GLI2: variants seen among roughly 807,000 people sequenced by gnomAD.
GLI2 encodes the protein transcription activator GLI2.
Under a neutral mutation model 78.9 loss-of-function variants are expected in GLI2, and 22 were observed. That is an observed-to-expected ratio of 0.28 (90% CI 0.20 to 0.40). GLI2 has a LOEUF of 0.40. Ranked by LOEUF, GLI2 falls within the 10% of genes least tolerant of loss-of-function variation. The pLI is 1.00. For missense variants in GLI2, 2,097 were observed against 2,213.2 expected (o/e 0.95, Z 1.05); for synonymous variants, 974 against 963.7 (o/e 1.01, Z -0.20).
At chr2:120,844,956 G>T (rs912936560) in intron 2 of GLI2, among the ~76,000 whole-genome samples, 1 of 152,088 alleles carries the variant, frequency 6.6e-6, no homozygotes, top group Non-Finnish European at 1.5e-5. Flanking sequence ...TGTAGACTGG[G>T]TGGGAGGAGC....
chr2:120,812,363 T>C (rs1430091813), intron 2 of GLI2, among the ~76,000 whole-genome samples: 1 of 152,184 alleles, frequency 6.6e-6, no homozygotes. Context: ...CCCTGGGTCC[T>C]GGCCCCACTT....
chr2:120,964,803 C>T (rs577956935), intron 5 of GLI2, among the ~76,000 whole-genome samples: 1 of 152,240 alleles, frequency 6.6e-6, no homozygotes, highest in Non-Finnish European at 1.5e-5. Flanking sequence ...GTTTGTGGGA[C>T]GGGACGTCCG....
Position 120,989,558 on chromosome 2 carries a change from G to C in GLI2, c.3593G>C (p.Gly1198Ala), listed in dbSNP as rs375495972. 2.5e-6 allele frequency: 4 copies of C among 1,612,956 alleles called. No individual in the cohort carries two copies. In the South Asian group the frequency reaches 3.3e-5, roughly 13 times the overall value. The stretch of plus-strand genomic sequence containing the variant: ...CCCCGCAGCGGAGCCCCCTCCCAGG[G>C]CATCCCCAGGGTAAACTACATGCAG... ...LQPRSGAPSQ[G>A]IPRVNYMQQL... The change falls in exon 14 of 14, where the codon GGC (glycine) becomes GCC (alanine). Residue 1198 changes from glycine to alanine, a missense_variant. Gly to Ala is a moderately conservative substitution (Grantham distance 60). Coordinates refer to ENST00000361492, the MANE Select transcript of GLI2 (RefSeq NM_001374353.1).
At chr2:120,778,075 T>C (rs1227060462) in intron 1 of GLI2, among the ~76,000 whole-genome samples, 1 of 151,956 alleles carries the variant, frequency 6.6e-6, no homozygotes, top group Non-Finnish European at 1.5e-5. Context: ...GCAGGGCTTG[T>C]TTTTGTTTGG....
In GLI2 at chr2:120,952,420, T is replaced by C. The variant is rs141188599; in HGVS notation, c.457+975T>C. On this transcript the variant is annotated intron_variant, in intron 4 of 13. Transcript: ENST00000361492. Reference sequence around the variant, plus strand: ...TTCTCCCCGAGAGGAATGCATCCTCTTCCAACTGGTGGGTGTGACCACGAG... The same window carrying C: ...TTCTCCCCGAGAGGAATGCATCCTCCTCCAACTGGTGGGTGTGACCACGAG... Among the ~76,000 whole-genome samples, 898 of 152,270 alleles carry C rather than the reference T, an allele frequency of 5.9e-3. 7 individuals carry two copies. Among genetic ancestry groups the C allele is most frequent in the African/African-American group, 0.021 (872 of 41,558 alleles).
intron 3 of GLI2, among the ~76,000 whole-genome samples, chr2:120,933,582 G>A (rs1003771834): frequency 6.6e-6 from 1 of 152,182 alleles, no homozygotes; most frequent in African/African-American, 2.4e-5. Flanking sequence ...AAGCTCTTTG[G>A]ATGCCCTCTG....
intron 12 of GLI2, among the ~76,000 whole-genome samples, chr2:120,985,182 C>T (rs1682915000): frequency 6.6e-6 from 1 of 152,226 alleles, no homozygotes; most frequent in Non-Finnish European, 1.5e-5. Flanking sequence ...GACTGTACCT[C>T]CCCTAAGGAT....
chr2:120,982,960 G>A (rs1442343426), intron 11 of GLI2, 80 bp downstream of exon 11: 3 of 1,419,754 alleles, frequency 2.1e-6, no homozygotes, highest in African/African-American at 2.8e-5. Flanking sequence ...CTGTAGTCCA[G>A]TAGATAGCCA....
At chr2:120,985,092 C>T (rs1432834755) in intron 12 of GLI2, among the ~76,000 whole-genome samples, 1 of 152,224 alleles carries the variant, frequency 6.6e-6, no homozygotes, top group Admixed American at 6.5e-5. Flanking sequence ...ACTCCTCTGT[C>T]CTGTCTCTGC....
At chr2:120,769,111 C>T (rs77345948) in intron 1 of GLI2, among the ~76,000 whole-genome samples, 1,682 of 152,308 alleles carry the variant, frequency 0.011, 23 homozygotes, top group African/African-American at 0.038. Context: ...GAAGTAGCTC[C>T]TTCCTCCCAA....
intron 1 of GLI2, among the ~76,000 whole-genome samples, chr2:120,756,408 T>A (rs755583093): frequency 1.3e-5 from 2 of 152,222 alleles, no homozygotes; most frequent in Non-Finnish European, 2.9e-5. Context: ...TATATCCTGC[T>A]TTTTGTAGAT....
At chr2:120,759,743 G>A (rs1188448683) in intron 1 of GLI2, among the ~76,000 whole-genome samples, 1 of 152,030 alleles carries the variant, frequency 6.6e-6, no homozygotes, top group African/African-American at 2.4e-5. Context: ...CCCTGTCCCC[G>A]CCCCCGAGGT....
chr2:120,979,860 G>A (rs1183301841), intron 10 of GLI2, among the ~76,000 whole-genome samples: 2 of 152,126 alleles, frequency 1.3e-5, no homozygotes, highest in Non-Finnish European at 2.9e-5. Flanking sequence ...GTATGGATTT[G>A]CCTGTTCTGG....
chr2:120,748,851 T>C (rs1682773622), intron 1 of GLI2, among the ~76,000 whole-genome samples: 1 of 135,424 alleles, frequency 7.4e-6, no homozygotes, highest in East Asian at 2.3e-4. Flanking sequence ...TGATCTTGCA[T>C]TCTCCATCCA....
intron 8 of GLI2, 134 bp from the exon 9 acceptor site, chr2:120,974,841 A>AAC (rs141965979): frequency 1.7e-6 from 2 of 1,188,934 alleles, no homozygotes; most frequent in Non-Finnish European, 2.5e-6. Context: ...ACACACCTGT[A>AAC]ACACACACAC....
intron 2 of GLI2, among the ~76,000 whole-genome samples, chr2:120,828,968 A>G (rs1231168413): frequency 6.6e-6 from 1 of 152,096 alleles, no homozygotes; most frequent in Non-Finnish European, 1.5e-5. Context: ...CTTGGAAGAA[A>G]CACACAGCAC....
intron 2 of GLI2, among the ~76,000 whole-genome samples, chr2:120,902,185 A>ACCCCCCCCCCCCCCCCCC (rs11358856): frequency 8.6e-6 from 1 of 116,344 alleles, no homozygotes; most frequent in Non-Finnish European, 1.8e-5. Context: ...ATTGACACCC[A>ACCCCCCCCCCCCCCCCCC]CCCCCCCCCA....
chr2:120,990,008 G>A lies in GLI2; in HGVS notation c.4043G>A (p.Gly1348Asp). The A allele has an allele frequency of 6.2e-7, 1 of 1,609,356 alleles. No homozygotes were observed. The highest frequency in any genetic ancestry group is 8.5e-7 in the Non-Finnish European group (1 of 1,178,184). The stretch of plus-strand genomic sequence containing the variant: ...GGCCCGATGGGGGTGGCTACAGCAG[G>A]CTTTGGCCTAGTGCAGCCCCGGCCT... The part of the protein sequence containing the change: ...QTGPMGVATA[G>D]FGLVQPRPPL... The change falls in exon 14 of 14, where the codon GGC becomes GAC. Residue 1348 changes from glycine (G) to aspartate (D), a missense_variant. Around this residue, in one of 5 missense-constraint regions of GLI2, gnomAD observed 1,290 missense variants for 1,261.7 expected, o/e 1.02. Transcript: ENST00000361492.
At chr2:120,795,038 A>G (rs768010418) in intron 1 of GLI2, among the ~76,000 whole-genome samples, 2 of 151,940 alleles carry the variant, frequency 1.3e-5, no homozygotes, top group Non-Finnish European at 2.9e-5. Flanking sequence ...ATTTTTTTCT[A>G]CTTAAAAAGA....
Sources: gnomAD v4.1 joint callset for allele counts (sites outside exome capture counted in the v4.1 genomes callset) on GRCh38, gnomAD v4.1.1 for gene constraint, gnomAD v4.1.1 regional missense constraint, MANE v1.5 for transcripts, NCBI Gene and HGNC (gene_info 2026-07-23, HGNC 2026-07-21) for gene names.